SLC39A11: variants seen among roughly 807,000 people sequenced by gnomAD.
The protein encoded by SLC39A11 is solute carrier family 39 member 11.
A neutral mutation model predicts 36.1 loss-of-function variants in SLC39A11; 33 were observed. The ratio of observed to expected loss-of-function variants is 0.91; its 90% CI spans 0.69 to 1.22. The LOEUF is 1.22. Among genes scored for constraint, SLC39A11 ranks in the 50% most tolerant of loss-of-function variants. The probability of loss-of-function intolerance (pLI) is 0.00; values close to 1 mark genes in which losing one functional copy is unlikely to be tolerated. For missense variants in SLC39A11, 432 were observed against 430.3 expected, an observed-to-expected ratio of 1.00 and a Z score of -0.03; for synonymous variants, 166 against 170.3, an observed-to-expected ratio of 0.97 and a Z score of 0.20.
chr17:72,867,308 T>G (rs2080351641), intron 5 of SLC39A11, among the ~76,000 whole-genome samples: 1 of 152,126 alleles, frequency 6.6e-6, no homozygotes, highest in Non-Finnish European at 1.5e-5. Context: ...GAGGCCAGCC[T>G]GGACAACATG....
chr17:73,011,125 C>T (rs903563250), intron 4 of SLC39A11, among the ~76,000 whole-genome samples: 2 of 151,992 alleles, frequency 1.3e-5, no homozygotes, highest in African/African-American at 2.4e-5. Flanking sequence ...AGGGCCAGGA[C>T]GAGGAAAGTA....
chr17:72,654,671 G>A (rs1488594178), intron 7 of SLC39A11, among the ~76,000 whole-genome samples: 2 of 152,198 alleles, frequency 1.3e-5, no homozygotes, highest in Admixed American at 6.5e-5. Flanking sequence ...AGTCCGAAGT[G>A]CAAGGTTTCT....
intron 2 of SLC39A11, among the ~76,000 whole-genome samples, chr17:73,088,154 C>A (rs376983753): frequency 6.6e-6 from 1 of 151,960 alleles, no homozygotes; most frequent in Non-Finnish European, 1.5e-5. Flanking sequence ...ATTAGCCAGG[C>A]GTGGTGGCAC....
At chr17:72,729,479 G>T (rs1183255301) in intron 7 of SLC39A11, among the ~76,000 whole-genome samples, 71 of 18,436 alleles carry the variant, frequency 3.9e-3, no homozygotes, top group East Asian at 0.018. Flanking sequence ...TTTTTTTTTT[G>T]TAGAGACAGG....
At chr17:72,751,264 C>T (rs1333054304) in intron 6 of SLC39A11, among the ~76,000 whole-genome samples, 1 of 151,848 alleles carries the variant, frequency 6.6e-6, no homozygotes, top group African/African-American at 2.4e-5. Flanking sequence ...AAAAAGTGAG[C>T]GTACAATATT....
intron 5 of SLC39A11, among the ~76,000 whole-genome samples, chr17:72,887,952 G>A (rs187247851): frequency 2.0e-4 from 31 of 152,268 alleles, no homozygotes; most frequent in Non-Finnish European, 3.2e-4. Context: ...TGAGAATTTC[G>A]AAGTGATATT....
At chr17:72,657,229 G>A (rs2070171935) in intron 7 of SLC39A11, among the ~76,000 whole-genome samples, 1 of 152,016 alleles carries the variant, frequency 6.6e-6, no homozygotes, top group African/African-American at 2.4e-5. Flanking sequence ...GCATGGTGGT[G>A]GGTGCCCGTA....
At chr17:72,945,014 A>G (rs760938093) in intron 5 of SLC39A11, among the ~76,000 whole-genome samples, 2 of 148,026 alleles carry the variant, frequency 1.4e-5, no homozygotes, top group Admixed American at 1.3e-4. Context: ...CGATGTCATT[A>G]TATTTTTAAT....
At chr17:73,084,981 GT>G in intron 2 of SLC39A11, 135 bp from the exon 3 acceptor site, 1 of 861,912 alleles carries the variant, frequency 1.2e-6, no homozygotes, top group Non-Finnish European at 1.9e-6. Flanking sequence ...GAGCTACTCA[GT>G]TTATACCATG....
At chr17:72,862,739 A>G (rs555518576) in intron 5 of SLC39A11, among the ~76,000 whole-genome samples, 7 of 152,264 alleles carry the variant, frequency 4.6e-5, no homozygotes, top group African/African-American at 1.7e-4. Flanking sequence ...AAGGTTAAAA[A>G]AAAAGGACCA....
At chr17:73,086,831 AAAAT>A (rs2060746702) in intron 2 of SLC39A11, among the ~76,000 whole-genome samples, 1 of 152,094 alleles carries the variant, frequency 6.6e-6, no homozygotes, top group Admixed American at 6.6e-5. Context: ...AAAAAAATAA[AAAAT>A]AAATAAATAA....
chr17:72,965,758 C>T (rs944436296), intron 4 of SLC39A11, among the ~76,000 whole-genome samples: 2 of 152,128 alleles, frequency 1.3e-5, no homozygotes, highest in Admixed American at 1.3e-4. Context: ...GATGGAAGAC[C>T]AGAAAATCAT....
rs960101680 is a variant in SLC39A11, at chr17:72,896,163, A to G, written c.431-46359T>C. On this transcript the variant is annotated intron_variant, in intron 5 of 9. Transcript: ENST00000255559. ...TATAACGTAATCTAAAACCAAAAAGAGAACATTTGGGGATTGTTCACATTA... is the reference window on the plus strand; with the variant it reads ...TATAACGTAATCTAAAACCAAAAAGGGAACATTTGGGGATTGTTCACATTA... Among the ~76,000 whole-genome samples, 9 of 148,742 alleles carry G rather than the reference A, an allele frequency of 6.1e-5. No individual in the cohort carries two copies. In the East Asian group the frequency reaches 1.6e-3, roughly 27 times the overall value.
rs1244601450 is a variant in SLC39A11, at chr17:72,983,213, G to A, written c.307-35338C>T. Among the ~76,000 whole-genome samples the A allele has an allele frequency of 2.6e-5, 4 of 151,772 alleles. No individual in the cohort carries two copies. In the East Asian group the frequency reaches 5.8e-4, roughly 22 times the overall value. On this transcript the variant is annotated intron_variant, in intron 4 of 9. Transcript: ENST00000255559. ...AGCCCAGGCTGGGGTGCAGTGCCGC[G>A]ATCTCAGCTCACTGCAGCCTCCACC...
intron 9 of SLC39A11, among the ~76,000 whole-genome samples, chr17:72,648,278 C>T (rs1206119593): frequency 5.4e-5 from 8 of 149,308 alleles, no homozygotes; most frequent in South Asian, 2.2e-4. Context: ...TGCAGTGAGC[C>T]GAGATCACAC....
At chr17:72,985,537 C>T (rs940340167) in intron 4 of SLC39A11, among the ~76,000 whole-genome samples, 10 of 151,568 alleles carry the variant, frequency 6.6e-5, no homozygotes, top group Non-Finnish European at 8.8e-5. Context: ...CTCAGCCTCC[C>T]GAGTAGCTGG....
At chr17:72,811,735 G>T (rs1598835633) in intron 6 of SLC39A11, among the ~76,000 whole-genome samples, 2 of 152,158 alleles carry the variant, frequency 1.3e-5, no homozygotes, top group East Asian at 3.9e-4. Context: ...AAGTTTGTTG[G>T]TTTTGTTTTT....
At chr17:72,954,632 G>C (rs977235574) in intron 4 of SLC39A11, among the ~76,000 whole-genome samples, 1 of 152,216 alleles carries the variant, frequency 6.6e-6, no homozygotes, top group African/African-American at 2.4e-5. Context: ...TTACTGAGAA[G>C]TTGCCATAAT....
At chr17:72,877,403 T>C (rs1385191617) in intron 5 of SLC39A11, among the ~76,000 whole-genome samples, 1 of 152,202 alleles carries the variant, frequency 6.6e-6, no homozygotes, top group African/African-American at 2.4e-5. Flanking sequence ...CTGACTCCTT[T>C]GAAGGGTGGG....
Sources: allele counts gnomAD v4.1 joint callset (sites outside exome capture counted in the v4.1 genomes callset), GRCh38; gene constraint gnomAD v4.1.1; transcripts MANE v1.5; gene names NCBI Gene and HGNC (gene_info 2026-07-23, HGNC 2026-07-21).